Variants in BDKRB2 observed in about 807,000 individuals in gnomAD.
BDKRB2 encodes the protein bradykinin receptor B2, also known as B2 bradykinin receptor.
In BDKRB2, 6 loss-of-function variants were observed where a neutral mutation model predicts 4.0. The ratio of observed to expected loss-of-function variants is 1.49; its 90% CI spans 0.81 to 2.93. BDKRB2 has a LOEUF of 2.93. Ranked by LOEUF, BDKRB2 falls within the 30% of genes most tolerant of loss-of-function variation. BDKRB2 has a pLI of 0.00. For missense variants in BDKRB2, 478 were observed against 520.1 expected, an observed-to-expected ratio of 0.92 and a Z score of 0.79; for synonymous variants, 225 against 215.3, an observed-to-expected ratio of 1.05 and a Z score of -0.40.
chr14:96,239,138 A>G, intron 2 of BDKRB2: 1 of 985,480 alleles, frequency 1.0e-6, no homozygotes, highest in Non-Finnish European at 1.2e-6. Flanking sequence ...TTCCAGAAAG[A>G]GCCCCTTTTC....
chr14:96,220,026 T>C (rs1451334812), intron 1 of BDKRB2, among the ~76,000 whole-genome samples: 10 of 152,014 alleles, frequency 6.6e-5, no homozygotes, highest in Admixed American at 2.0e-4. Context: ...AGAGTATTTA[T>C]ACCATAGAAA....
Position 96,206,978 on chromosome 14 carries a change from C to T in BDKRB2, c.-40+2019C>T, listed in dbSNP as rs554062268. Reference sequence around the variant, plus strand: ...TCCTCATATGGTGGAAGGGTGAACACGCTCTCCCAGGCCTCCTTTAAAGAC... The same window carrying T: ...TCCTCATATGGTGGAAGGGTGAACATGCTCTCCCAGGCCTCCTTTAAAGAC... On this transcript the variant is annotated intron_variant, in intron 1 of 2. Coordinates refer to ENST00000554311, the MANE Select transcript of BDKRB2 (RefSeq NM_001379692.1). Among the ~76,000 whole-genome samples the T allele has an allele frequency of 3.3e-5, 5 of 152,242 alleles. No individual in the cohort carries two copies. In the East Asian group the frequency reaches 7.7e-4, roughly 24 times the overall value.
Position 96,223,103 on chromosome 14 carries a change from C to A in BDKRB2, c.-39-13966C>A, listed in dbSNP as rs185081685. 2.7e-4 allele frequency: 327 copies of A among 1,217,364 alleles called. 1 individual carries two copies. The highest frequency in any genetic ancestry group is 1.4e-3 in the Admixed American group (80 of 56,270). 75.4% of individuals were successfully genotyped at this position (1,217,364 alleles called of 1,614,324 possible). A position where few individuals can be genotyped will look rare whatever the true frequency, so the allele number is the denominator to read the frequency against. ...CAGGGCTGAAGGCTAGCAAACCGAG[C>A]GATCATGTCACACAAACAAATTCAC... On this transcript the variant is annotated intron_variant, in intron 1 of 2. Transcript: ENST00000554311.
intron 1 of BDKRB2, among the ~76,000 whole-genome samples, chr14:96,215,128 A>G (rs1359068192): frequency 6.6e-6 from 1 of 152,224 alleles, no homozygotes; most frequent in African/African-American, 2.4e-5. Context: ...GAAAACCCAA[A>G]AGCAACCTAT....
At chr14:96,235,069 C>T (rs374276689) in intron 1 of BDKRB2, among the ~76,000 whole-genome samples, 6 of 152,056 alleles carry the variant, frequency 3.9e-5, no homozygotes, top group Admixed American at 2.6e-4. Flanking sequence ...TGCTTTAAGC[C>T]GGGTGCAGTG....
intron 1 of BDKRB2, among the ~76,000 whole-genome samples, chr14:96,222,542 G>A (rs564421978): frequency 1.8e-4 from 27 of 152,018 alleles, no homozygotes; most frequent in African/African-American, 6.0e-4. Context: ...GGAGTTAGGA[G>A]CTCCGTGTCA....
At chr14:96,210,567 A>T (rs1377261070) in intron 1 of BDKRB2, among the ~76,000 whole-genome samples, 1 of 152,174 alleles carries the variant, frequency 6.6e-6, no homozygotes. Context: ...TTGTGGTAAG[A>T]TCCACATCTT....
At chr14:96,233,645 G>A (rs1198938847) in intron 1 of BDKRB2, 1 of 152,136 alleles carries the variant, frequency 6.6e-6, no homozygotes, top group East Asian at 1.9e-4. Flanking sequence ...AAGGTCGCGG[G>A]CCCCACATGA....
intron 1 of BDKRB2, among the ~76,000 whole-genome samples, chr14:96,232,896 CA>C (rs1890850229): frequency 6.6e-6 from 1 of 152,158 alleles, no homozygotes; most frequent in African/African-American, 2.4e-5. Flanking sequence ...TTTCCTTCTC[CA>C]CTTCCGAGTT....
chr14:96,217,074 A>G (rs1890444989), intron 1 of BDKRB2, among the ~76,000 whole-genome samples: 2 of 152,174 alleles, frequency 1.3e-5, no homozygotes, highest in South Asian at 4.1e-4. Context: ...AGTGACAGGG[A>G]ACTAACTACT....
At chr14:96,234,842 GT>G (rs1216899933) in intron 1 of BDKRB2, among the ~76,000 whole-genome samples, 1 of 152,206 alleles carries the variant, frequency 6.6e-6, no homozygotes, top group African/African-American at 2.4e-5. Flanking sequence ...CGCTGGACAC[GT>G]CCCCCATGAC....
intron 1 of BDKRB2, among the ~76,000 whole-genome samples, chr14:96,229,683 G>T (rs75435594): frequency 6.6e-6 from 1 of 152,090 alleles, no homozygotes; most frequent in East Asian, 1.9e-4. Context: ...GCCACGGAGG[G>T]TTAGTGACAG....
intron 1 of BDKRB2, among the ~76,000 whole-genome samples, chr14:96,222,924 C>T (rs755939698): frequency 2.8e-4 from 43 of 152,050 alleles, no homozygotes; most frequent in Non-Finnish European, 4.6e-4. Flanking sequence ...TTTGAAGTTA[C>T]TTCTGTGGCT....
In BDKRB2 at chr14:96,212,105, C is replaced by A. The variant is rs188568096; in HGVS notation, c.-40+7146C>A. 1.7e-3 allele frequency among the ~76,000 whole-genome samples: 260 copies of A among 152,162 alleles called. 2 individuals are homozygous for A. Among genetic ancestry groups the A allele is most frequent in the Non-Finnish European group, 3.0e-3 (205 of 67,998 alleles). On this transcript the variant is annotated intron_variant, in intron 1 of 2. Coordinates refer to ENST00000554311, the MANE Select transcript of BDKRB2 (RefSeq NM_001379692.1). ...GGCAGGGACAGAATCTGGAGGGAGA[C>A]CTACCCCTCACTGTATTCTTTTTCG...
In BDKRB2 at chr14:96,241,192, C is replaced by G. The variant is rs544336047; in HGVS notation, c.864C>G (p.Ile288Met). 6.2e-7 allele frequency: 1 copy of G among 1,606,844 alleles called. No individual in the cohort carries two copies. Among genetic ancestry groups the G allele is most frequent in the East Asian group, 2.2e-5 (1 of 44,720 alleles). ...LFIICWLPFQISTFLDTLHRL... is the reference protein window; with the variant it reads ...LFIICWLPFQMSTFLDTLHRL... ...TCATCTGCTGGCTGCCCTTCCAGATCAGCACCTTCCTGGATACGCTGCATC... is the reference window on the plus strand; with the variant it reads ...TCATCTGCTGGCTGCCCTTCCAGATGAGCACCTTCCTGGATACGCTGCATC... Residue 288 changes from isoleucine (I) to methionine (M), a missense_variant, in exon 3 of 3, where the codon ATC becomes ATG. Ile to Met is a conservative substitution (Grantham distance 10, BLOSUM62 1). Transcript: ENST00000554311.
intron 2 of BDKRB2, chr14:96,238,757 C>T: frequency 1.0e-6 from 1 of 985,980 alleles, no homozygotes; most frequent in Non-Finnish European, 1.2e-6. Flanking sequence ...AGACCCAGCT[C>T]TAGAGTCACC....
chr14:96,210,908 C>G (rs558834105), intron 1 of BDKRB2: 1 of 152,526 alleles, frequency 6.6e-6, no homozygotes, highest in East Asian at 1.9e-4. Context: ...GGCCCTTCCT[C>G]CTAGTCCCAC....
chr14:96,239,882 A>G (rs1885225821), intron 2 of BDKRB2: 4 of 985,528 alleles, frequency 4.1e-6, no homozygotes, highest in Admixed American at 1.2e-4. Flanking sequence ...ACGATGCCAC[A>G]GACTGTCCAG....
At chr14:96,219,978 G>A (rs1890518138) in intron 1 of BDKRB2, among the ~76,000 whole-genome samples, 1 of 152,006 alleles carries the variant, frequency 6.6e-6, no homozygotes. Context: ...CAATTGCAGT[G>A]AGCCATTGTG....
Sources: allele counts gnomAD v4.1 joint callset (sites outside exome capture counted in the v4.1 genomes callset), GRCh38; gene constraint gnomAD v4.1.1; transcripts MANE v1.5; gene names NCBI Gene and HGNC (gene_info 2026-07-23, HGNC 2026-07-21).